Variants in DLC1 observed in about 807,000 individuals in gnomAD.
DLC1 encodes rho GTPase-activating protein 7.
Under a neutral mutation model 140.3 loss-of-function variants are expected in DLC1, and 54 were observed. That is an observed-to-expected ratio of 0.38 (90% CI 0.31 to 0.48). The LOEUF is 0.48. Among genes scored for constraint, DLC1 ranks in the 20% least tolerant of loss-of-function variants. The pLI is 0.96. For synonymous variants in DLC1, 986 were observed against 728.1 expected (o/e 1.35, Z -5.70); for missense variants, 2,536 against 1,907.0 (o/e 1.33, Z -6.14).
At position 13,083,603 on chromosome 8, in the gene DLC1, G is replaced by A. The variant is rs544409251; in HGVS notation, c.*2208C>T. 5 of 152,728 alleles carry A rather than the reference G, an allele frequency of 3.3e-5. No individual in the cohort carries two copies. In the South Asian group the frequency reaches 1.0e-3, roughly 32 times the overall value. The allele number at this position is 152,728 out of a possible 1,614,324, so 9.5% of individuals were successfully genotyped here. On this transcript the variant is annotated 3_prime_UTR_variant, in exon 18 of 18. Coordinates refer to ENST00000276297, the MANE Select transcript of DLC1 (RefSeq NM_182643.3). ...TTAAACAGTGGGAAAGAGAACTTTT[G>A]TGGCATTCACTGGTGACCCTGACTC...
intron 5 of DLC1, among the ~76,000 whole-genome samples, chr8:13,213,639 G>T (rs996175253): frequency 1.3e-5 from 2 of 152,150 alleles, no homozygotes; most frequent in Admixed American, 6.5e-5. Context: ...CCTGTTTGAT[G>T]CCTCTTCAAT....
chr8:13,408,997 A>T (rs1019788064), intron 2 of DLC1, among the ~76,000 whole-genome samples: 3 of 152,098 alleles, frequency 2.0e-5, no homozygotes, highest in Admixed American at 2.0e-4. Flanking sequence ...TTCCTTTTTC[A>T]TAAAAATGTA....
intron 2 of DLC1, among the ~76,000 whole-genome samples, chr8:13,487,273 TTTG>T (rs1801010831): frequency 6.6e-6 from 1 of 152,188 alleles, no homozygotes; most frequent in Non-Finnish European, 1.5e-5. Flanking sequence ...CCATAATATT[TTTG>T]TTAAGTAAAT....
intron 5 of DLC1, among the ~76,000 whole-genome samples, chr8:13,205,424 T>C (rs896348019): frequency 1.3e-5 from 2 of 152,172 alleles, no homozygotes; most frequent in Non-Finnish European, 2.9e-5. Context: ...TCAAAGTCTG[T>C]TAAGGGGAGA....
chr8:13,091,490 G>T (rs1225624574), intron 13 of DLC1, 58 bp from the exon 14 acceptor site: 2 of 1,487,278 alleles, frequency 1.3e-6, no homozygotes, highest in East Asian at 2.3e-5. Context: ...TTTTCTTCAA[G>T]GTATTATTCA....
intron 4 of DLC1, among the ~76,000 whole-genome samples, chr8:13,306,340 C>G (rs2117525141): frequency 6.6e-6 from 1 of 152,236 alleles, no homozygotes; most frequent in Non-Finnish European, 1.5e-5. Flanking sequence ...ACAAATGAAG[C>G]AAGTTGACTT....
At chr8:13,106,509 G>A (rs570980388) in intron 7 of DLC1, among the ~76,000 whole-genome samples, 4 of 152,080 alleles carry the variant, frequency 2.6e-5, no homozygotes, top group Non-Finnish European at 5.9e-5. Context: ...CATCATGCCT[G>A]GCTAATTTTT....
intron 4 of DLC1, among the ~76,000 whole-genome samples, chr8:13,309,671 A>G (rs1489500724): frequency 1.3e-5 from 2 of 152,182 alleles, no homozygotes. Flanking sequence ...TTCTAAACAT[A>G]TGTTGATTCT....
chr8:13,167,215 G>A (rs763542688), intron 5 of DLC1, among the ~76,000 whole-genome samples: 2 of 152,150 alleles, frequency 1.3e-5, no homozygotes, highest in Admixed American at 6.5e-5. Context: ...AGTTAAGGGC[G>A]TAAAAGGCAC....
chr8:13,317,099 C>G (rs1163667754), intron 4 of DLC1, among the ~76,000 whole-genome samples: 1 of 152,132 alleles, frequency 6.6e-6, no homozygotes, highest in Non-Finnish European at 1.5e-5. Flanking sequence ...AACTATATTT[C>G]AGAATGGGTC....
intron 1 of DLC1, among the ~76,000 whole-genome samples, chr8:13,555,327 T>C (rs926418597): frequency 3.3e-5 from 5 of 152,074 alleles, no homozygotes; most frequent in African/African-American, 9.7e-5. Context: ...CTTTCTTGTA[T>C]GTTTTTTTTT....
chr8:13,243,989 C>T (rs971874568), intron 5 of DLC1, among the ~76,000 whole-genome samples: 11 of 152,226 alleles, frequency 7.2e-5, no homozygotes, highest in African/African-American at 2.4e-4. Context: ...ACCTGCTTCT[C>T]TTAGGAAATT....
rs566277625 is a variant in DLC1, at chr8:13,334,494, C to T, written c.1315-29192G>A. Among the ~76,000 whole-genome samples, 93 of 152,132 alleles carry T rather than the reference C, an allele frequency of 6.1e-4. 1 individual carries two copies. In the South Asian group the frequency reaches 6.9e-3, roughly 11 times the overall value. ...ATCACTGTGCACATGGGGTAGACTG[C>T]GCAGGCAGGGGAGAAGGCAGGAGAC... On this transcript the variant is annotated intron_variant, in intron 4 of 17. Transcript: ENST00000276297.
chr8:13,355,211 A>C (rs1834875235), intron 4 of DLC1, among the ~76,000 whole-genome samples: 1 of 152,022 alleles, frequency 6.6e-6, no homozygotes, highest in African/African-American at 2.4e-5. Context: ...TAGTCAGCTC[A>C]GTTGGGATTC....
At chr8:13,440,749 A>T (rs1465755295) in intron 2 of DLC1, among the ~76,000 whole-genome samples, 1 of 152,088 alleles carries the variant, frequency 6.6e-6, no homozygotes, top group Admixed American at 6.5e-5. Context: ...TGTGAAAGTG[A>T]ATAAGTCTCA....
chr8:13,506,567 A>ACATGTG (rs1491321792), intron 1 of DLC1, among the ~76,000 whole-genome samples: 1 of 111,802 alleles, frequency 8.9e-6, no homozygotes, highest in African/African-American at 3.5e-5. Flanking sequence ...ACACACACAC[A>ACATGTG]TGTGTGTGTG....
chr8:13,430,710 A>G (rs575531495), intron 2 of DLC1, among the ~76,000 whole-genome samples: 44 of 152,200 alleles, frequency 2.9e-4, no homozygotes, highest in Non-Finnish European at 5.6e-4. Flanking sequence ...AATCTAGACA[A>G]TGGGAAGGCT....
chr8:13,175,951 T>C (rs1825738134), intron 5 of DLC1, among the ~76,000 whole-genome samples: 1 of 152,138 alleles, frequency 6.6e-6, no homozygotes, highest in Non-Finnish European at 1.5e-5. Flanking sequence ...CAGAATGTTA[T>C]ATAAACAGAG....
At chr8:13,574,700 C>A (rs1418404496) in intron 1 of DLC1, among the ~76,000 whole-genome samples, 2 of 152,120 alleles carry the variant, frequency 1.3e-5, no homozygotes, top group Non-Finnish European at 2.9e-5. Context: ...AAAAACAAAT[C>A]TGTTTATTGA....
Sources: gnomAD v4.1 joint callset for allele counts (sites outside exome capture counted in the v4.1 genomes callset) on GRCh38, gnomAD v4.1.1 for gene constraint, MANE v1.5 for transcripts, NCBI Gene and HGNC (gene_info 2026-07-23, HGNC 2026-07-21) for gene names.